The following MPPED2 variants were observed in gnomAD, a reference collection of about 807,000 sequenced individuals.
MPPED2 encodes metallophosphoesterase MPPED2.
MPPED2 carries 5 observed loss-of-function variants against 33.0 expected under a neutral mutation model. That is an observed-to-expected ratio of 0.15 (90% CI 0.08 to 0.32). MPPED2 has a LOEUF of 0.32. Ranked by LOEUF, MPPED2 falls within the 10% of genes least tolerant of loss-of-function variation. The pLI is 1.00. For synonymous variants in MPPED2, 136 were observed against 141.9 expected (o/e 0.96, Z 0.29); for missense variants, 275 against 372.1 (o/e 0.74, Z 2.15).
At chr11:30,449,964 G>A (rs1324307469) in intron 4 of MPPED2, among the ~76,000 whole-genome samples, 3 of 152,086 alleles carry the variant, frequency 2.0e-5, no homozygotes, top group African/African-American at 7.2e-5. Context: ...ACTGCCATTT[G>A]TTCAATGGTA....
chr11:30,570,311 T>G (rs530403928), intron 2 of MPPED2, among the ~76,000 whole-genome samples: 5 of 152,104 alleles, frequency 3.3e-5, no homozygotes, highest in Non-Finnish European at 5.9e-5. Context: ...GGTTCCATCC[T>G]CATGAGAAAA....
intron 6 of MPPED2, among the ~76,000 whole-genome samples, chr11:30,413,412 A>T (rs183537882): frequency 2.0e-3 from 302 of 152,312 alleles, no homozygotes; most frequent in African/African-American, 6.9e-3. Context: ...AGAAATCCTT[A>T]GGCTTGCTGA....
chr11:30,408,626 G>A (rs1164635197), downstream of MPPED2, among the ~76,000 whole-genome samples: 4 of 152,088 alleles, frequency 2.6e-5, no homozygotes. Flanking sequence ...AGCTCTCAGA[G>A]GGCATCCATC....
chr11:30,546,989 G>T (rs1361517290), intron 2 of MPPED2, among the ~76,000 whole-genome samples: 1 of 152,176 alleles, frequency 6.6e-6, no homozygotes, highest in Non-Finnish European at 1.5e-5. Context: ...AAGAACTCAT[G>T]AAAGACTACT....
In MPPED2 at chr11:30,494,764, AG is replaced by A. The variant is rs1371387256; in HGVS notation, c.536+531del. ...AAAAAAAAAAAAAAAAAAAAAAGAA[AG>A]AAAGAAAGAAAGAAAAGAGAAGAAA... On this transcript the variant is annotated intron_variant, in intron 4 of 6. Coordinates refer to ENST00000358117, the MANE Select transcript of MPPED2 (RefSeq NM_001584.3). Among the ~76,000 whole-genome samples, 475 of 147,230 alleles carry A rather than the reference AG, an allele frequency of 3.2e-3. 8 individuals are homozygous for A. Among genetic ancestry groups the A allele is most frequent in the African/African-American group, 0.012 (450 of 38,324 alleles).
intron 4 of MPPED2, among the ~76,000 whole-genome samples, chr11:30,489,547 T>C (rs1951881750): frequency 6.6e-6 from 1 of 152,234 alleles, no homozygotes. Flanking sequence ...TCAACAGACT[T>C]TCTCTTCCTA....
chr11:30,429,346 A>C (rs1948980012), intron 4 of MPPED2: 1 of 152,170 alleles, frequency 6.6e-6, no homozygotes, highest in African/African-American at 2.4e-5. Context: ...AATTGGAATA[A>C]GTGACAAGGA....
At chr11:30,535,471 T>C (rs1202889775) in intron 3 of MPPED2, among the ~76,000 whole-genome samples, 1 of 152,204 alleles carries the variant, frequency 6.6e-6, no homozygotes, top group African/African-American at 2.4e-5. Context: ...TACAGTAATA[T>C]ATCTCATGTT....
chr11:30,415,507 G>T (rs930312694), intron 5 of MPPED2, among the ~76,000 whole-genome samples: 1 of 152,294 alleles, frequency 6.6e-6, no homozygotes, highest in East Asian at 1.9e-4. Context: ...CTCACCAGCA[G>T]GAAGAAATTC....
chr11:30,555,582 T>A (rs371952954), intron 2 of MPPED2, among the ~76,000 whole-genome samples: 1 of 152,122 alleles, frequency 6.6e-6, no homozygotes. Context: ...TGATAGTGAA[T>A]AAGTCTCACA....
rs78507236 is a variant in MPPED2 at position 30,565,024 on chromosome 11, A to G, written c.128+15222T>C. On this transcript the variant is annotated intron_variant, in intron 2 of 6. Transcript: ENST00000358117. Reference sequence around the variant, plus strand: ...ATCCTCCATTAACTGAAACACACCAATAAATTTCCAAAATGTAGGACTCAG... The same window carrying G: ...ATCCTCCATTAACTGAAACACACCAGTAAATTTCCAAAATGTAGGACTCAG... Among the ~76,000 whole-genome samples the G allele has an allele frequency of 5.7e-3, 872 of 152,286 alleles. 4 individuals carry two copies. Among genetic ancestry groups the G allele is most frequent in the Non-Finnish European group, 8.7e-3 (590 of 68,024 alleles).
At chr11:30,388,190 C>G (rs1433695513) in exon 7 of MPPED2, 1 of 152,384 alleles carries the variant, frequency 6.6e-6, no homozygotes. Context: ...CTGAATCCCC[C>G]TAATCCTAAA....
chr11:30,538,002 G>T (rs1954903113), intron 2 of MPPED2, among the ~76,000 whole-genome samples: 1 of 152,012 alleles, frequency 6.6e-6, no homozygotes, highest in South Asian at 2.1e-4. Flanking sequence ...TTTTCCCAGA[G>T]AATGAATGAC....
intron 6 of MPPED2, among the ~76,000 whole-genome samples, chr11:30,401,851 ATTTTTTGTATTT>A (rs1565034209): frequency 7.1e-6 from 1 of 140,088 alleles, no homozygotes; most frequent in South Asian, 2.3e-4. Flanking sequence ...TGGCCAGCTA[ATTTTTTGTATTT>A]TTTTTTTTTT....
chr11:30,552,754 A>AC (rs1955774816), intron 2 of MPPED2, among the ~76,000 whole-genome samples: 2 of 152,018 alleles, frequency 1.3e-5, no homozygotes, highest in South Asian at 4.2e-4. Flanking sequence ...CCTTTGCTAT[A>AC]CCCCCCAAAG....
chr11:30,440,262 G>A (rs889164102), intron 4 of MPPED2, among the ~76,000 whole-genome samples: 14 of 151,946 alleles, frequency 9.2e-5, no homozygotes, highest in African/African-American at 1.2e-4. Flanking sequence ...TCCGGGAGGC[G>A]GAGGTTGCAG....
intron 2 of MPPED2, among the ~76,000 whole-genome samples, chr11:30,555,529 G>A (rs1466802297): frequency 6.6e-6 from 1 of 152,254 alleles, no homozygotes; most frequent in African/African-American, 2.4e-5. Context: ...CCCAGTGGGA[G>A]GTAACTGAAT....
At chr11:30,451,687 G>A in intron 4 of MPPED2, 1 of 955,158 alleles carries the variant, frequency 1.0e-6, no homozygotes, top group Non-Finnish European at 1.2e-6. Context: ...ATTTCCTTGT[G>A]TATTTCAAAA....
chr11:30,429,845 T>G (rs537148752), intron 4 of MPPED2, among the ~76,000 whole-genome samples: 1 of 152,352 alleles, frequency 6.6e-6, no homozygotes, highest in African/African-American at 2.4e-5. Context: ...CTTTGTTTAA[T>G]CCTCATTTCT....
Sources: gnomAD v4.1 joint callset for allele counts (sites outside exome capture counted in the v4.1 genomes callset) on GRCh38, gnomAD v4.1.1 for gene constraint, MANE v1.5 for transcripts, NCBI Gene and HGNC (gene_info 2026-07-23, HGNC 2026-07-21) for gene names.